Variants in ABCD2 observed in about 807,000 individuals in gnomAD.
ABCD2 encodes the protein ATP binding cassette subfamily D member 2, also known as ATP-binding cassette sub-family D member 2.
A neutral mutation model predicts 70.9 loss-of-function variants in ABCD2; 36 were observed. The ratio of observed to expected loss-of-function variants is 0.51; its 90% confidence interval spans 0.39 to 0.67. The LOEUF (loss-of-function observed/expected upper bound fraction) is 0.67, where lower values mean the gene tolerates loss of function less well. Ranked by LOEUF, ABCD2 falls within the 30% of genes least tolerant of loss-of-function variation. The pLI, the probability that ABCD2 is intolerant of heterozygous loss-of-function variation, is 0.00. For synonymous variants in ABCD2, 304 were observed against 306.9 expected, an observed-to-expected ratio of 0.99 and a Z score of 0.10; for missense variants, 729 against 890.2, an observed-to-expected ratio of 0.82 and a Z score of 2.30.
intron 9 of ABCD2, among the ~76,000 whole-genome samples, chr12:39,566,032 A>G (rs1941341331): frequency 1.3e-5 from 2 of 152,132 alleles, no homozygotes; most frequent in South Asian, 4.1e-4. Flanking sequence ...TTAGTTTGCC[A>G]GTGTTTTATT....
At chr12:39,533,479 G>A in the ABCD2 span, among the ~76,000 whole-genome samples, 6 of 152,120 alleles carry the variant, frequency 3.9e-5, no homozygotes, top group Non-Finnish European at 8.8e-5. Flanking sequence ...TGAATTAATA[G>A]TTTCTTGAGA....
chr12:39,563,517 C>G lies in ABCD2; in HGVS notation c.2004-9386G>C, dbSNP rs1941292905. On this transcript the variant is annotated intron_variant, in intron 9 of 9. Coordinates refer to ENST00000308666, the MANE Select transcript of ABCD2 (RefSeq NM_005164.4). ...GAAAGTCCTACCCAGAGCAATTAGGCAAGAAAAAGAAATAAAAGGCATCTG... is the reference window on the plus strand; with the variant it reads ...GAAAGTCCTACCCAGAGCAATTAGGGAAGAAAAAGAAATAAAAGGCATCTG... 4.0e-5 allele frequency among the ~76,000 whole-genome samples: 6 copies of G among 150,962 alleles called. No homozygotes were observed. In the South Asian group the frequency reaches 1.3e-3, roughly 32 times the overall value.
chr12:39,618,823 A>C lies in ABCD2; in HGVS notation c.793T>G (p.Tyr265Asp). The change falls in exon 1 of 10, where the codon TAT becomes GAT. Residue 265 changes from tyrosine (Y) to aspartate (D), a missense_variant. Coordinates refer to ENST00000308666, the MANE Select transcript of ABCD2 (RefSeq NM_005164.4). The part of the protein sequence containing the change: ...GPTLLAGLVV[Y>D]ATAKVLKACS... ...GCTTTTAACACTTTAGCAGTGGCATACACCACAAGTCCTGCTAGTAGGGTG... is the reference window on the plus strand; with the variant it reads ...GCTTTTAACACTTTAGCAGTGGCATCCACCACAAGTCCTGCTAGTAGGGTG... The C allele has an allele frequency of 6.2e-7, 1 of 1,614,250 alleles. No individual in the cohort carries two copies. Among genetic ancestry groups the C allele is most frequent in the Non-Finnish European group, 8.5e-7 (1 of 1,180,048 alleles).
Position 39,618,890 on chromosome 12 carries a change from G to C in ABCD2, c.726C>G (p.Leu242=), listed in dbSNP as rs1942153346. The change falls in exon 1 of 10, where the codon CTC becomes CTG. Residue 242 remains leucine, a synonymous_variant. Coordinates refer to ENST00000308666, the MANE Select transcript of ABCD2 (RefSeq NM_005164.4). ...ILDVMLTSYT[L]IQTATSRGAS... ...CTCCTCTGGATGTAGCAGTTTGAAT[G>C]AGTGTATAGGAGGTCAGCATTACAT... is the stretch of plus-strand genomic sequence containing the variant. 1 of 1,614,060 alleles carries C rather than the reference G, an allele frequency of 6.2e-7. No individual in the cohort carries two copies.
At chr12:39,561,899 C>A (rs1458766812) in intron 9 of ABCD2, among the ~76,000 whole-genome samples, 1 of 152,158 alleles carries the variant, frequency 6.6e-6, no homozygotes, top group Admixed American at 6.5e-5. Context: ...TTCTTCTCAA[C>A]TACACATGGA....
chr12:39,616,746 CGAGAAACACTGCATCAGA>C (rs1358065304), intron 2 of ABCD2, among the ~76,000 whole-genome samples: 2 of 151,952 alleles, frequency 1.3e-5, no homozygotes, highest in East Asian at 3.9e-4. Context: ...AGGTCAACTC[CGAGAAACACTGCATCAGA>C]GATCTCTGAA....
chr12:39,578,078 T>C lies in ABCD2; in HGVS notation c.1877+1457A>G, dbSNP rs115065535. Among the ~76,000 whole-genome samples the C allele has an allele frequency of 5.0e-3, 768 of 152,352 alleles. 7 individuals carry two copies. Among genetic ancestry groups the C allele is most frequent in the African/African-American group, 0.017 (726 of 41,578 alleles). On this transcript the variant is annotated intron_variant, in intron 8 of 9. Coordinates refer to ENST00000308666, the MANE Select transcript of ABCD2 (RefSeq NM_005164.4). ...TTTAAAGTTCTCTATAAAATGTTACTACTTTCACAACAACTCACACAAGAG... is the reference window on the plus strand; with the variant it reads ...TTTAAAGTTCTCTATAAAATGTTACCACTTTCACAACAACTCACACAAGAG...
At chr12:39,563,017 A>T (rs1287949456) in intron 9 of ABCD2, among the ~76,000 whole-genome samples, 1 of 152,232 alleles carries the variant, frequency 6.6e-6, no homozygotes, top group African/African-American at 2.4e-5. Flanking sequence ...ACATATGCAA[A>T]GCAATAAATG....
chr12:39,599,220 T>G (rs577364187), intron 6 of ABCD2, among the ~76,000 whole-genome samples: 1 of 152,318 alleles, frequency 6.6e-6, no homozygotes, highest in East Asian at 1.9e-4. Context: ...TTTTACATTG[T>G]TCTGGTCAAA....
chr12:39,584,671 A>G (rs567076099), intron 7 of ABCD2, among the ~76,000 whole-genome samples: 18 of 152,266 alleles, frequency 1.2e-4, no homozygotes, highest in African/African-American at 4.1e-4. Flanking sequence ...TAAGTCTCTA[A>G]TCCATCTTGT....
chr12:39,612,203 TAA>T (rs2120768456), intron 2 of ABCD2, among the ~76,000 whole-genome samples: 1 of 152,332 alleles, frequency 6.6e-6, no homozygotes, highest in African/African-American at 2.4e-5. Context: ...GCATAGCCTG[TAA>T]TCTAGCAGTT....
chr12:39,564,625 T>G (rs1941314681), intron 9 of ABCD2, among the ~76,000 whole-genome samples: 1 of 152,204 alleles, frequency 6.6e-6, no homozygotes, highest in Admixed American at 6.5e-5. Flanking sequence ...CAGAAACTCT[T>G]TAGTTTAATT....
intron 5 of ABCD2, among the ~76,000 whole-genome samples, chr12:39,603,636 CAAATTTCTCATG>C (rs1360231267): frequency 1.3e-5 from 2 of 151,918 alleles, no homozygotes; most frequent in East Asian, 1.9e-4. Flanking sequence ...TTTCCAGGTA[CAAATTTCTCATG>C]AAATTTCCTA....
intron 6 of ABCD2, among the ~76,000 whole-genome samples, chr12:39,590,967 A>G (rs1490219980): frequency 6.6e-6 from 1 of 152,282 alleles, no homozygotes; most frequent in East Asian, 1.9e-4. Flanking sequence ...GTGTGACATG[A>G]AAGGCCTATA....
intron 7 of ABCD2, among the ~76,000 whole-genome samples, chr12:39,585,362 A>G (rs536663662): frequency 1.3e-5 from 2 of 152,080 alleles, no homozygotes; most frequent in East Asian, 1.9e-4. Flanking sequence ...TTGTATGTTG[A>G]TTTTGTACAC....
downstream of ABCD2, among the ~76,000 whole-genome samples, chr12:39,546,557 T>C (rs1941027002): frequency 6.6e-6 from 1 of 152,110 alleles, no homozygotes; most frequent in Non-Finnish European, 1.5e-5. Flanking sequence ...AACTGGGTAA[T>C]GTGTTGAAGA....
At chr12:39,578,267 G>A (rs943530983) in intron 8 of ABCD2, among the ~76,000 whole-genome samples, 12 of 152,170 alleles carry the variant, frequency 7.9e-5, no homozygotes, top group African/African-American at 1.7e-4. Flanking sequence ...GAGGTCAGGA[G>A]ATCGAGACCA....
chr12:39,588,107 G>C (rs1941690868), intron 6 of ABCD2, among the ~76,000 whole-genome samples: 2 of 152,104 alleles, frequency 1.3e-5, no homozygotes, highest in South Asian at 2.1e-4. Context: ...ATGCTGTGTG[G>C]GAAGGCAAGA....
At chr12:39,594,694 C>T (rs1941791230) in intron 6 of ABCD2, among the ~76,000 whole-genome samples, 1 of 152,174 alleles carries the variant, frequency 6.6e-6, no homozygotes, top group Non-Finnish European at 1.5e-5. Context: ...AATACAATGG[C>T]CAGGTAGAGT....
Sources: allele counts gnomAD v4.1 joint callset (sites outside exome capture counted in the v4.1 genomes callset), GRCh38; gene constraint gnomAD v4.1.1; transcripts MANE v1.5; gene names NCBI Gene and HGNC (gene_info 2026-07-23, HGNC 2026-07-21).